The following ARHGAP42 variants were observed in gnomAD, a reference collection of about 807,000 sequenced individuals.
ARHGAP42 encodes the protein Rho GTPase activating protein 42, also known as rho GTPase-activating protein 42.
Under a neutral mutation model 125.0 loss-of-function variants are expected in ARHGAP42, and 63 were observed. The observed-to-expected ratio is 0.50, with a 90% CI of 0.41 to 0.62. ARHGAP42 has a LOEUF of 0.62. ARHGAP42 is among the 20% of genes least tolerant of loss of function. The probability of loss-of-function intolerance (pLI) is 0.00; values close to 1 mark genes in which losing one functional copy is unlikely to be tolerated. For synonymous variants in ARHGAP42, 339 were observed against 351.0 expected (o/e 0.97, Z 0.38); for missense variants, 766 against 1,024.2 (o/e 0.75, Z 3.44).
chr11:100,863,083 A>AC (rs1565247711), intron 4 of ARHGAP42, among the ~76,000 whole-genome samples: 2 of 149,728 alleles, frequency 1.3e-5, no homozygotes, highest in African/African-American at 5.0e-5. Context: ...CACACACACA[A>AC]CAACAAAAAA....
At chr11:100,794,016 G>A (rs760506195) in intron 2 of ARHGAP42, among the ~76,000 whole-genome samples, 5 of 138,220 alleles carry the variant, frequency 3.6e-5, no homozygotes, top group Admixed American at 1.7e-4. Context: ...CTGGGAGATC[G>A]AGGCTGCAGT....
At chr11:100,794,932 T>C (rs1216976435) in intron 2 of ARHGAP42, among the ~76,000 whole-genome samples, 173 bp from the exon 3 acceptor site, 1 of 152,188 alleles carries the variant, frequency 6.6e-6, no homozygotes, top group Non-Finnish European at 1.5e-5. Flanking sequence ...TTGTATATTG[T>C]TTTATGGTTA....
intron 16 of ARHGAP42, among the ~76,000 whole-genome samples, chr11:100,963,361 A>G (rs1489301659): frequency 6.6e-6 from 1 of 152,242 alleles, no homozygotes; most frequent in Non-Finnish European, 1.5e-5. Context: ...GTGTATTTGT[A>G]AACCATTGAG....
intron 4 of ARHGAP42, among the ~76,000 whole-genome samples, chr11:100,909,341 G>GTTTTTTTTTT (rs71053157): frequency 7.3e-6 from 1 of 137,446 alleles, no homozygotes; most frequent in Non-Finnish European, 1.5e-5. Flanking sequence ...GACTTTTCTT[G>GTTTTTTTTTT]TTTTTTTTTT....
At chr11:100,886,186 T>C (rs1488360530) in intron 4 of ARHGAP42, among the ~76,000 whole-genome samples, 1 of 152,250 alleles carries the variant, frequency 6.6e-6, no homozygotes, top group African/African-American at 2.4e-5. Context: ...ATGAAATTTC[T>C]ACTGTAAAAT....
chr11:100,808,395 CTTTTTTTTTTT>C (rs398045483), intron 3 of ARHGAP42, among the ~76,000 whole-genome samples: 7 of 118,774 alleles, frequency 5.9e-5, no homozygotes, highest in Non-Finnish European at 1.2e-4. Context: ...TAAATTCACT[CTTTTTTTTTTT>C]TTTTTTTTTT....
chr11:100,809,323 C>G lies in ARHGAP42; in HGVS notation c.312+14157C>G, dbSNP rs79793437. Among the ~76,000 whole-genome samples, 450 of 152,270 alleles carry G rather than the reference C, an allele frequency of 3.0e-3. 4 individuals carry two copies. Among genetic ancestry groups the G allele is most frequent in the African/African-American group, 0.011 (440 of 41,546 alleles). ...CTAAGGTCACTTAAAGACGCTTGAC[C>G]AATTACCCAAGGTTAAAGGGACAGA... is the stretch of plus-strand genomic sequence containing the variant. On this transcript the variant is annotated intron_variant, in intron 3 of 23. Transcript: ENST00000298815.
intron 6 of ARHGAP42, among the ~76,000 whole-genome samples, chr11:100,926,558 C>A (rs762798569): frequency 5.9e-5 from 9 of 152,136 alleles, no homozygotes; most frequent in Admixed American, 1.3e-4. Context: ...AATAGCTTAA[C>A]GAGTTGGAAT....
intron 8 of ARHGAP42, among the ~76,000 whole-genome samples, chr11:100,938,805 G>A (rs965928850): frequency 6.6e-6 from 1 of 152,162 alleles, no homozygotes; most frequent in East Asian, 1.9e-4. Flanking sequence ...ATCTTTGAAA[G>A]CGTTTACAAT....
intron 4 of ARHGAP42, among the ~76,000 whole-genome samples, chr11:100,873,726 C>T (rs530429293): frequency 2.6e-5 from 4 of 152,098 alleles, no homozygotes; most frequent in Non-Finnish European, 4.4e-5. Flanking sequence ...GAGGTAGGGC[C>T]TATTATTTTC....
At chr11:100,812,178 A>G (rs904709916) in intron 3 of ARHGAP42, among the ~76,000 whole-genome samples, 1 of 152,224 alleles carries the variant, frequency 6.6e-6, no homozygotes, top group Non-Finnish European at 1.5e-5. Context: ...GGTTCTGCTT[A>G]TATCTTTTGC....
At chr11:100,931,099 A>G (rs1332224939) in intron 6 of ARHGAP42, among the ~76,000 whole-genome samples, 1 of 152,160 alleles carries the variant, frequency 6.6e-6, no homozygotes, top group African/African-American at 2.4e-5. Flanking sequence ...TTTATACAAT[A>G]TTCTTAATAA....
intron 1 of ARHGAP42, among the ~76,000 whole-genome samples, chr11:100,695,502 A>T (rs905544877): frequency 6.6e-6 from 1 of 152,050 alleles, no homozygotes; most frequent in Non-Finnish European, 1.5e-5. Flanking sequence ...ATGGGGTTTC[A>T]CCATGTTGGT....
At chr11:100,935,860 C>T (rs183520388) in intron 7 of ARHGAP42, among the ~76,000 whole-genome samples, 4 of 152,152 alleles carry the variant, frequency 2.6e-5, no homozygotes, top group African/African-American at 7.2e-5. Flanking sequence ...TTTTCTGGGC[C>T]GGTCAGGTGG....
chr11:100,698,161 G>A (rs1225174482), intron 1 of ARHGAP42, among the ~76,000 whole-genome samples: 1 of 152,120 alleles, frequency 6.6e-6, no homozygotes, highest in African/African-American at 2.4e-5. Context: ...AAAGTGTTGA[G>A]ATTACAGGCA....
At chr11:100,776,981 CA>C (rs71053146) in intron 2 of ARHGAP42, among the ~76,000 whole-genome samples, 16,625 of 108,652 alleles carry the variant, frequency 0.15, 662 homozygotes, top group East Asian at 0.29. Context: ...AACACTGTCT[CA>C]AAAAAAAAAA....
intron 1 of ARHGAP42, among the ~76,000 whole-genome samples, chr11:100,765,077 A>C (rs1862797554): frequency 1.3e-5 from 2 of 152,214 alleles, no homozygotes; most frequent in Admixed American, 1.3e-4. Context: ...AAGTAGGTAG[A>C]GTAACAATAA....
chr11:100,953,052 TA>T (rs910221416), intron 12 of ARHGAP42, among the ~76,000 whole-genome samples: 6 of 152,184 alleles, frequency 3.9e-5, no homozygotes, highest in African/African-American at 7.2e-5. Context: ...CTCATTGTGT[TA>T]AGTGCTTAAA....
intron 3 of ARHGAP42, among the ~76,000 whole-genome samples, chr11:100,829,695 G>T (rs946923165): frequency 6.6e-6 from 1 of 152,170 alleles, no homozygotes; most frequent in Non-Finnish European, 1.5e-5. Flanking sequence ...AATGGTTAAT[G>T]ATTCCTTTAT....
Sources: allele counts gnomAD v4.1 joint callset (sites outside exome capture counted in the v4.1 genomes callset), GRCh38; gene constraint gnomAD v4.1.1; transcripts MANE v1.5; gene names NCBI Gene and HGNC (gene_info 2026-07-23, HGNC 2026-07-21).